Variants in CRACDL observed in about 807,000 individuals in gnomAD.
CRACDL encodes CRACD-like protein.
A neutral mutation model predicts 70.6 loss-of-function variants in CRACDL; 26 were observed. The ratio of observed to expected loss-of-function variants is 0.37; its 90% confidence interval spans 0.27 to 0.51. CRACDL has a LOEUF of 0.51. CRACDL is among the 20% of genes least tolerant of loss of function. The pLI, the probability that CRACDL is intolerant of heterozygous loss-of-function variation, is 0.94. For missense variants in CRACDL, 1,283 were observed against 1,376.9 expected, an observed-to-expected ratio of 0.93 and a Z score of 1.08; for synonymous variants, 618 against 615.2, an observed-to-expected ratio of 1.00 and a Z score of -0.07.
At chr2:98,909,875 G>A (rs926704252) in intron 1 of CRACDL, among the ~76,000 whole-genome samples, 1 of 152,182 alleles carries the variant, frequency 6.6e-6, no homozygotes, top group Non-Finnish European at 1.5e-5. Context: ...GAGTAGCTAC[G>A]GAAGCCAACA....
Position 98,935,611 on chromosome 2 carries a change from G to C in CRACDL, c.-11+327C>G, listed in dbSNP as rs529347467. Among the ~76,000 whole-genome samples the C allele has an allele frequency of 1.8e-3, 273 of 152,302 alleles. 3 individuals are homozygous for C. Among genetic ancestry groups the C allele is most frequent in the Non-Finnish European group, 5.3e-4 (36 of 68,026 alleles). On this transcript the variant is annotated intron_variant, in intron 1 of 9. Transcript: ENST00000397899. ...GTATGCTAGCAATTTCAACCGAGCA[G>C]GACCTTCTCTCCCTCCTCTTTCATT... is the stretch of plus-strand genomic sequence containing the variant.
chr2:98,860,547 G>A (rs116095304), intron 1 of CRACDL, among the ~76,000 whole-genome samples: 2,354 of 152,190 alleles, frequency 0.015, 71 homozygotes, highest in African/African-American at 0.053. Context: ...TCAACAAACC[G>A]GGCTGGAACA....
At chr2:98,849,386 G>C (rs1013353011) in intron 1 of CRACDL, among the ~76,000 whole-genome samples, 1 of 152,202 alleles carries the variant, frequency 6.6e-6, no homozygotes, top group African/African-American at 2.4e-5. Context: ...GGAAGAACAA[G>C]GTGAGTGCCA....
At chr2:98,886,443 T>C (rs906171999) in intron 1 of CRACDL, among the ~76,000 whole-genome samples, 1 of 152,204 alleles carries the variant, frequency 6.6e-6, no homozygotes, top group African/African-American at 2.4e-5. Context: ...GTATCTAGAA[T>C]ATCACCTGCG....
At chr2:98,858,290 G>A (rs562788528) in intron 1 of CRACDL, among the ~76,000 whole-genome samples, 28 of 152,162 alleles carry the variant, frequency 1.8e-4, no homozygotes, top group Admixed American at 1.1e-3. Flanking sequence ...TGAGGCAGGC[G>A]GATCACATGA....
intron 1 of CRACDL, among the ~76,000 whole-genome samples, chr2:98,925,984 T>A (rs1287944828): frequency 1.3e-5 from 2 of 152,214 alleles, no homozygotes; most frequent in Non-Finnish European, 2.9e-5. Flanking sequence ...ATCCAGTATT[T>A]ATATGCTACA....
intron 1 of CRACDL, among the ~76,000 whole-genome samples, chr2:98,919,992 G>A (rs954378072): frequency 8.5e-5 from 13 of 152,270 alleles, no homozygotes; most frequent in African/African-American, 2.2e-4. Context: ...GGCCTCAAGC[G>A]ATCCTCCTGC....
intron 1 of CRACDL, among the ~76,000 whole-genome samples, chr2:98,930,699 C>T (rs559128911): frequency 4.6e-5 from 7 of 152,268 alleles, no homozygotes; most frequent in African/African-American, 1.4e-4. Flanking sequence ...CTTCCACCAG[C>T]AGCTGTGCTC....
chr2:98,868,655 G>A (rs1270618194), intron 1 of CRACDL, among the ~76,000 whole-genome samples: 1 of 152,098 alleles, frequency 6.6e-6, no homozygotes, highest in Non-Finnish European at 1.5e-5. Context: ...TTGGTGCTGA[G>A]CTTTAGGTAG....
chr2:98,924,909 G>A (rs1300422541), intron 1 of CRACDL, among the ~76,000 whole-genome samples: 1 of 152,216 alleles, frequency 6.6e-6, no homozygotes, highest in Non-Finnish European at 1.5e-5. Flanking sequence ...ACAAATGCTT[G>A]CCTTTCCTTC....
chr2:98,815,779 G>T (rs1704760050), intron 7 of CRACDL, among the ~76,000 whole-genome samples: 2 of 152,224 alleles, frequency 1.3e-5, no homozygotes, highest in South Asian at 4.1e-4. Context: ...TTCAGCAGGG[G>T]TGAGGGGTTG....
intron 1 of CRACDL, among the ~76,000 whole-genome samples, chr2:98,856,270 C>CAA (rs1467609218): frequency 1.3e-5 from 2 of 152,102 alleles, no homozygotes; most frequent in Non-Finnish European, 2.9e-5. Flanking sequence ...CAGCTAATTT[C>CAA]TTATCAGAAA....
chr2:98,869,357 A>G, intron 1 of CRACDL: 1 of 1,027,122 alleles, frequency 9.7e-7, no homozygotes, highest in South Asian at 1.8e-5. Context: ...ACAGGCACAC[A>G]GCAGAAAAGG....
At chr2:98,926,870 G>A (rs1215196222) in intron 1 of CRACDL, among the ~76,000 whole-genome samples, 3 of 152,234 alleles carry the variant, frequency 2.0e-5, no homozygotes, top group Non-Finnish European at 4.4e-5. Flanking sequence ...GAAAGGGGCA[G>A]AGAGAGCGAA....
chr2:98,892,700 G>T (rs1708010383), intron 1 of CRACDL, among the ~76,000 whole-genome samples: 1 of 151,410 alleles, frequency 6.6e-6, no homozygotes, highest in African/African-American at 2.4e-5. Flanking sequence ...AAAAAAAAAA[G>T]AAATAAAATA....
At chr2:98,868,837 G>A (rs571778016) in intron 1 of CRACDL, among the ~76,000 whole-genome samples, 5 of 152,000 alleles carry the variant, frequency 3.3e-5, no homozygotes, top group African/African-American at 7.2e-5. Flanking sequence ...ATGAATATGC[G>A]TGTGTGTCAT....
intron 9 of CRACDL, among the ~76,000 whole-genome samples, chr2:98,795,077 A>ATATATATATTT: frequency 1.0e-4 from 6 of 58,490 alleles, no homozygotes; most frequent in African/African-American, 3.3e-4. Context: ...ATATATATAT[A>ATATATATATTT]TTTTTTTTTT....
At chr2:98,820,333 C>T (rs768605820) in intron 7 of CRACDL, among the ~76,000 whole-genome samples, 11 of 151,362 alleles carry the variant, frequency 7.3e-5, no homozygotes, top group Non-Finnish European at 1.3e-4. Context: ...AGCTCGAGAC[C>T]AGCCTGGCCA....
chr2:98,923,579 A>G (rs1343425134), intron 1 of CRACDL, among the ~76,000 whole-genome samples: 1 of 152,218 alleles, frequency 6.6e-6, no homozygotes. Flanking sequence ...ATTTCTTTAT[A>G]TGTGAATCCC....
Sources: allele counts gnomAD v4.1 joint callset (sites outside exome capture counted in the v4.1 genomes callset), GRCh38; gene constraint gnomAD v4.1.1; transcripts MANE v1.5; gene names NCBI Gene and HGNC (gene_info 2026-07-23, HGNC 2026-07-21).